The following ZFYVE26 variants were observed in gnomAD, a reference collection of about 807,000 sequenced individuals.
ZFYVE26 encodes zinc finger FYVE-type containing 26, also known as zinc finger FYVE domain-containing protein 26.
Under a neutral mutation model 276.5 loss-of-function variants are expected in ZFYVE26, and 181 were observed. The observed-to-expected ratio is 0.65, with a 90% CI of 0.58 to 0.74. The LOEUF (loss-of-function observed/expected upper bound fraction) is 0.74, where lower values mean the gene tolerates loss of function less well. ZFYVE26 is among the 30% of genes least tolerant of loss of function. The pLI is 0.00. For missense variants in ZFYVE26, 2,821 were observed against 3,097.9 expected (o/e 0.91, Z 2.12); for synonymous variants, 1,129 against 1,203.1 (o/e 0.94, Z 1.27).
At position 67,783,060 on chromosome 14, in the gene ZFYVE26, AGGG is replaced by A. The variant is rs1487236153; in HGVS notation, c.4089_4091del (p.Pro1364del). On this transcript the variant is annotated inframe_deletion, in exon 21 of 42. Coordinates refer to ENST00000347230, the MANE Select transcript of ZFYVE26 (RefSeq NM_015346.4). ...CAGCCAGGAGGAAGGCCTCAAACAG[AGGG>A]AATTGTTCCAGAAGGCGCTCACACT... 1.2e-6 allele frequency: 2 copies of A among 1,613,968 alleles called. No individual in the cohort carries two copies. The highest frequency in any genetic ancestry group is 1.7e-6 in the Non-Finnish European group (2 of 1,179,988).
intron 13 of ZFYVE26, among the ~76,000 whole-genome samples, chr14:67,731,203 CTTTCT>C (rs1459481208): frequency 8.4e-6 from 1 of 119,210 alleles, no homozygotes; most frequent in Non-Finnish European, 1.7e-5. Flanking sequence ...ATATTTCTTT[CTTTCT>C]TTTTTTTTTT....
rs2038233580 is a variant in ZFYVE26 at position 67,729,246 on chromosome 14, C to T, written n.3253G>A. ...CAGGCGTCGTCCGCTCTGAGCTGGT[C>T]CGGCACTCCTCCCTGCTCTGCCTGC... On this transcript the variant is annotated non_coding_transcript_exon_variant, in exon 14 of 15. Transcript: ENST00000394455. 1 of 1,610,296 alleles carries T rather than the reference C, an allele frequency of 6.2e-7. No homozygotes were observed. Among genetic ancestry groups the T allele is most frequent in the Non-Finnish European group, 8.5e-7 (1 of 1,180,008 alleles).
chr14:67,813,005 T>C (rs1441271951), intron 3 of ZFYVE26, among the ~76,000 whole-genome samples: 2 of 152,232 alleles, frequency 1.3e-5, no homozygotes, highest in African/African-American at 2.4e-5. Flanking sequence ...CCTAAACAAC[T>C]GGCTAAATCC....
chr14:67,808,069 G>T, intron 4 of ZFYVE26, 149 bp from the exon 5 acceptor site: 1 of 935,428 alleles, frequency 1.1e-6, no homozygotes, highest in Non-Finnish European at 1.6e-6. Flanking sequence ...GTTAGACATT[G>T]TTCTAAGGCC....
chr14:67,741,562 C>T (rs542820443), downstream of ZFYVE26, among the ~76,000 whole-genome samples: 5 of 152,180 alleles, frequency 3.3e-5, no homozygotes, highest in East Asian at 1.9e-4. Context: ...CTACCATAGA[C>T]GTTTAATGTC....
chr14:67,794,284 T>G, intron 12 of ZFYVE26, 45 bp from the exon 13 acceptor site: 2 of 1,584,518 alleles, frequency 1.3e-6, no homozygotes, highest in Non-Finnish European at 8.7e-7. Flanking sequence ...ATCAGCTCCT[T>G]ATAGAGTAGG....
At chr14:67,795,860 T>C (rs899041075) in intron 12 of ZFYVE26, among the ~76,000 whole-genome samples, 1 of 152,036 alleles carries the variant, frequency 6.6e-6, no homozygotes, top group Admixed American at 6.6e-5. Flanking sequence ...AAGAGAAAAA[T>C]GGACCTTAGA....
At chr14:67,764,772 C>T (rs899719749) in intron 32 of ZFYVE26, among the ~76,000 whole-genome samples, 4 of 152,072 alleles carry the variant, frequency 2.6e-5, no homozygotes, top group East Asian at 1.9e-4. Flanking sequence ...GTCAAAGACG[C>T]GCAAGACACC....
intron 13 of ZFYVE26, 117 bp from the exon 14 acceptor site, chr14:67,793,876 G>A (rs1425035890): frequency 7.2e-7 from 1 of 1,390,848 alleles, no homozygotes; most frequent in Non-Finnish European, 1.0e-6. Context: ...TAAAAGGCCT[G>A]TAAATAGGTC....
At chr14:67,814,697 G>T (rs2040367371) in intron 2 of ZFYVE26, among the ~76,000 whole-genome samples, 1 of 152,156 alleles carries the variant, frequency 6.6e-6, no homozygotes, top group Non-Finnish European at 1.5e-5. Flanking sequence ...TACAGAAAGT[G>T]AATCAGACAG....
At position 67,753,781 on chromosome 14, in the gene ZFYVE26, G is replaced by T. The variant is rs1321631065; in HGVS notation, c.7129-15C>A. On this transcript the variant is annotated splice_polypyrimidine_tract_variant and intron_variant, in intron 38 of 41. Transcript: ENST00000347230. ...CCCAGCATGACCTGAAAAGGAAAGG[G>T]AATCATGCTTAAAAACATGGCAATT... 1.9e-6 allele frequency: 3 copies of T among 1,600,880 alleles called. No individual in the cohort carries two copies. Among genetic ancestry groups the T allele is most frequent in the Admixed American group, 3.4e-5 (2 of 59,264 alleles).
downstream of ZFYVE26, among the ~76,000 whole-genome samples, chr14:67,746,222 C>A (rs1265234594): frequency 6.6e-6 from 1 of 151,960 alleles, no homozygotes; most frequent in Non-Finnish European, 1.5e-5. Context: ...GCTGGGTGGA[C>A]AGGGTGGAAG....
intron 39 of ZFYVE26, 66 bp from the exon 40 acceptor site, chr14:67,752,592 A>G: frequency 1.9e-6 from 3 of 1,544,130 alleles, no homozygotes; most frequent in Non-Finnish European, 2.7e-6. Context: ...GGGAGGCAGC[A>G]TTTAAAAGCT....
In ZFYVE26 at chr14:67,778,210, G is replaced by C; in HGVS notation, c.4713C>G (p.Pro1571=). 6.2e-7 allele frequency: 1 copy of C among 1,614,144 alleles called. No individual in the cohort carries two copies. The change falls in exon 24 of 42, where the codon CCC becomes CCG. Residue 1571 remains proline (P), a synonymous_variant. Transcript: ENST00000347230. Reference sequence around the variant, plus strand: ...GGCTGATTAAATGTTCTCTTGGAATGGGGTACAGGCAGCCCCACTCTTCAC... The same window carrying C: ...GGCTGATTAAATGTTCTCTTGGAATCGGGTACAGGCAGCCCCACTCTTCAC... ...ELCEEWGCLY[P]IPREHLISLH...
At chr14:67,779,601 A>T (rs79696819) in intron 23 of ZFYVE26, among the ~76,000 whole-genome samples, 5,407 of 152,166 alleles carry the variant, frequency 0.036, 295 homozygotes, top group African/African-American at 0.12. Context: ...AAAAGGTGAC[A>T]TGGTTATGGA....
At chr14:67,760,410 C>A (rs931542932) in intron 35 of ZFYVE26, among the ~76,000 whole-genome samples, 2 of 152,204 alleles carry the variant, frequency 1.3e-5, no homozygotes, top group African/African-American at 4.8e-5. Flanking sequence ...TCACTTGGAT[C>A]AATCTTAGAA....
intron 14 of ZFYVE26, among the ~76,000 whole-genome samples, chr14:67,792,561 T>A (rs2039841243): frequency 6.6e-6 from 1 of 152,194 alleles, no homozygotes; most frequent in African/African-American, 2.4e-5. Context: ...CTCTCTACAA[T>A]ACAAATATTC....
chr14:67,761,592 C>G lies in ZFYVE26; in HGVS notation c.6370-8G>C. 6.2e-7 allele frequency: 1 copy of G among 1,613,156 alleles called. No individual in the cohort carries two copies. Among genetic ancestry groups the G allele is most frequent in the Non-Finnish European group, 8.5e-7 (1 of 1,179,502 alleles). ...AAAGTAATCGTCATCTTGCTGACAG[C>G]ACAGGGAGCGAGAGAGAAAAATGAA... On this transcript the variant is annotated splice_polypyrimidine_tract_variant and splice_region_variant and intron_variant, in intron 34 of 41. Coordinates refer to ENST00000347230, the MANE Select transcript of ZFYVE26 (RefSeq NM_015346.4).
At position 67,762,837 on chromosome 14, in the gene ZFYVE26, G is replaced by A; in HGVS notation, c.6012-18C>T. ...TGATGTAGCTACAAGGAGGAAAAGGGCAAGGCCATGAGGCTCCCTAGTGTC... is the reference window on the plus strand; with the variant it reads ...TGATGTAGCTACAAGGAGGAAAAGGACAAGGCCATGAGGCTCCCTAGTGTC... On this transcript the variant is annotated intron_variant, in intron 32 of 41. Transcript: ENST00000347230. 3 of 1,613,266 alleles carry A rather than the reference G, an allele frequency of 1.9e-6. No homozygotes were observed. The highest frequency in any genetic ancestry group is 2.5e-6 in the Non-Finnish European group (3 of 1,180,014).
Sources: allele counts gnomAD v4.1 joint callset (sites outside exome capture counted in the v4.1 genomes callset), GRCh38; gene constraint gnomAD v4.1.1; transcripts MANE v1.5; gene names NCBI Gene and HGNC (gene_info 2026-07-23, HGNC 2026-07-21).